Variants in PRKN observed in about 807,000 individuals in gnomAD.
PRKN encodes E3 ubiquitin-protein ligase parkin.
A neutral mutation model predicts 59.5 loss-of-function variants in PRKN; 56 were observed. That is an observed-to-expected ratio of 0.94 (90% CI 0.76 to 1.18). PRKN has a LOEUF of 1.18. PRKN is among the 50% of genes most tolerant of loss of function. The pLI is 0.00. For synonymous variants in PRKN, 250 were observed against 222.1 expected, an observed-to-expected ratio of 1.13 and a Z score of -1.12; for missense variants, 657 against 596.4, an observed-to-expected ratio of 1.10 and a Z score of -1.06.
intron 4 of PRKN, among the ~76,000 whole-genome samples, chr6:162,088,242 A>T (rs1779336105): frequency 6.6e-6 from 1 of 152,194 alleles, no homozygotes; most frequent in South Asian, 2.1e-4. Context: ...GTTTCTGAAG[A>T]TTCTTAGGGC....
Position 161,468,265 on chromosome 6 carries a change from G to A in PRKN, c.1083+80589C>T, listed in dbSNP as rs1380421689. ...TAGGATTACAGGCATGAGCCGCCAT[G>A]CCCAGCCTCTTACCCTATACTTTAA... is the stretch of plus-strand genomic sequence containing the variant. On this transcript the variant is annotated intron_variant, in intron 9 of 11. Coordinates refer to ENST00000366898, the MANE Select transcript of PRKN (RefSeq NM_004562.3). This position sits in a 1 kb window ranked among gnomAD's most constrained non-coding sequence, Gnocchi z 5.9. Among the ~76,000 whole-genome samples, 1 of 152,014 alleles carries A rather than the reference G, an allele frequency of 6.6e-6. No homozygotes were observed. Among genetic ancestry groups the A allele is most frequent in the African/African-American group, 2.4e-5 (1 of 41,380 alleles).
At chr6:162,568,530 C>A in intron 1 of PRKN, 1 of 744,786 alleles carries the variant, frequency 1.3e-6, no homozygotes, top group Non-Finnish European at 2.4e-6. Flanking sequence ...GCTGAGCCTC[C>A]TTAACCTGGA....
At chr6:162,000,734 G>A (rs1782021978) in intron 5 of PRKN, among the ~76,000 whole-genome samples, 1 of 151,852 alleles carries the variant, frequency 6.6e-6, no homozygotes, top group African/African-American at 2.4e-5. Flanking sequence ...TATACCTAAG[G>A]TCATCTATGT....
At chr6:162,324,529 G>C (rs1257776240) in intron 2 of PRKN, among the ~76,000 whole-genome samples, 1 of 152,142 alleles carries the variant, frequency 6.6e-6, no homozygotes, top group African/African-American at 2.4e-5. Context: ...AGGTAGACAA[G>C]GAGATACTGG....
rs550757364 is a variant in PRKN at position 161,376,485 on chromosome 6, C to A, written c.1167+10309G>T. ...GTCTCCTCTCATCCTGTCTTCTAAT[C>A]CACTGCCAAGTTCTGCAGATCCGAC... On this transcript the variant is annotated intron_variant, in intron 10 of 11. Coordinates refer to ENST00000366898, the MANE Select transcript of PRKN (RefSeq NM_004562.3). The surrounding 1 kb of genome is among the most constrained non-coding windows in gnomAD (Gnocchi z 7.3). 1.2e-3 allele frequency among the ~76,000 whole-genome samples: 190 copies of A among 152,308 alleles called. No individual in the cohort carries two copies. Among genetic ancestry groups the A allele is most frequent in the Non-Finnish European group, 3.5e-4 (24 of 68,016 alleles).
At chr6:161,845,693 T>G (rs1399936230) in intron 6 of PRKN, among the ~76,000 whole-genome samples, 1 of 152,196 alleles carries the variant, frequency 6.6e-6, no homozygotes, top group Admixed American at 6.5e-5. Flanking sequence ...GTAAAGAAGC[T>G]TCCTAACACT....
rs931150061 is a variant in PRKN, at chr6:161,545,934, A to T, written c.1083+2920T>A. Among the ~76,000 whole-genome samples the T allele has an allele frequency of 6.6e-6, 1 of 152,252 alleles. No individual in the cohort carries two copies. Among genetic ancestry groups the T allele is most frequent in the Admixed American group, 6.5e-5 (1 of 15,290 alleles). ...TCACATTTCCTGTGTAACGATCACA[A>T]TATAAACAAATGGCATGGTGGCAAA... On this transcript the variant is annotated intron_variant, in intron 9 of 11. Transcript: ENST00000366898. This position sits in a 1 kb window ranked among gnomAD's most constrained non-coding sequence, Gnocchi z 4.1.
intron 7 of PRKN, among the ~76,000 whole-genome samples, chr6:161,599,754 G>A (rs941836794): frequency 1.3e-5 from 2 of 152,140 alleles, no homozygotes; most frequent in Non-Finnish European, 2.9e-5. Flanking sequence ...ATGATCTCTC[G>A]CTAGCTACCC....
chr6:162,312,725 C>T (rs973424175), intron 2 of PRKN, among the ~76,000 whole-genome samples: 1 of 152,052 alleles, frequency 6.6e-6, no homozygotes, highest in African/African-American at 2.4e-5. Context: ...CTTTGTGGAT[C>T]GGATAAAAGC....
intron 6 of PRKN, among the ~76,000 whole-genome samples, chr6:161,788,880 T>C (rs1790531148): frequency 6.6e-6 from 1 of 152,208 alleles, no homozygotes; most frequent in Non-Finnish European, 1.5e-5. Flanking sequence ...AACTTGGATA[T>C]ATACCTATAT....
At chr6:161,993,207 T>C (rs1781717661) in intron 5 of PRKN, among the ~76,000 whole-genome samples, 1 of 151,844 alleles carries the variant, frequency 6.6e-6, no homozygotes, top group African/African-American at 2.4e-5. Context: ...AACTACTAGT[T>C]AGAATAACCA....
intron 1 of PRKN, among the ~76,000 whole-genome samples, chr6:162,601,016 G>T (rs1165138193): frequency 6.6e-6 from 1 of 152,018 alleles, no homozygotes; most frequent in African/African-American, 2.4e-5. Context: ...ACACAATACC[G>T]CAGACTGGGT....
chr6:161,865,783 A>G, intron 6 of PRKN, among the ~76,000 whole-genome samples: 1 of 152,152 alleles, frequency 6.6e-6, no homozygotes, highest in Admixed American at 6.5e-5. Context: ...GTTTTTCCAT[A>G]TCAGCGATAA....
intron 2 of PRKN, among the ~76,000 whole-genome samples, chr6:162,424,805 G>A (rs1789147756): frequency 6.6e-6 from 1 of 151,944 alleles, no homozygotes; most frequent in East Asian, 1.9e-4. Context: ...GTTGATAGTG[G>A]GGAGGTTGTG....
At chr6:162,435,182 T>C (rs1475933289) in intron 2 of PRKN, among the ~76,000 whole-genome samples, 4 of 152,176 alleles carry the variant, frequency 2.6e-5, no homozygotes, top group Non-Finnish European at 1.5e-5. Flanking sequence ...ATGCATCCTA[T>C]GTTAAGAGTT....
In PRKN at chr6:161,461,565, G is replaced by C. The variant is rs1011950665; in HGVS notation, c.1084-74688C>G. 6.6e-6 allele frequency among the ~76,000 whole-genome samples: 1 copy of C among 152,066 alleles called. No individual in the cohort carries two copies. The highest frequency in any genetic ancestry group is 1.5e-5 in the Non-Finnish European group (1 of 68,026). On this transcript the variant is annotated intron_variant, in intron 9 of 11. Transcript: ENST00000366898. The surrounding 1 kb of genome is among the most constrained non-coding windows in gnomAD (Gnocchi z 5.1). ...AATAGGAAAGAGGAGGTGGATGCAG[G>C]AATCACTGGCCTTCTGGAATCAATC...
At chr6:162,051,922 T>A (rs1404120286) in intron 5 of PRKN, among the ~76,000 whole-genome samples, 1 of 152,196 alleles carries the variant, frequency 6.6e-6, no homozygotes, top group Non-Finnish European at 1.5e-5. Flanking sequence ...ATGTGACAGC[T>A]GTGATGGCTT....
chr6:161,986,065 G>A (rs1179130759), intron 5 of PRKN, among the ~76,000 whole-genome samples: 1 of 152,170 alleles, frequency 6.6e-6, no homozygotes, highest in Non-Finnish European at 1.5e-5. Flanking sequence ...TGTCATGTCA[G>A]TTTACCATTG....
At chr6:162,632,316 C>T (rs1783141299) in intron 1 of PRKN, among the ~76,000 whole-genome samples, 1 of 152,110 alleles carries the variant, frequency 6.6e-6, no homozygotes, top group Non-Finnish European at 1.5e-5. Context: ...CCATGGAATA[C>T]TACATAGCCA....
Sources: gnomAD v4.1 joint callset for allele counts (sites outside exome capture counted in the v4.1 genomes callset) on GRCh38, gnomAD v4.1.1 for gene constraint, Gnocchi (gnomAD v3.1) non-coding constraint, MANE v1.5 for transcripts, NCBI Gene and HGNC (gene_info 2026-07-23, HGNC 2026-07-21) for gene names.